CHCHD3: variants seen among roughly 807,000 people sequenced by gnomAD.
CHCHD3 encodes the protein MICOS complex subunit MIC19.
In CHCHD3, 20 loss-of-function variants were observed where a neutral mutation model predicts 38.2. That is an observed-to-expected ratio of 0.52 (90% CI 0.37 to 0.76). The LOEUF is 0.76. Among genes scored for constraint, CHCHD3 ranks in the 30% least tolerant of loss-of-function variants. CHCHD3 has a pLI of 0.00. For missense variants in CHCHD3, 245 were observed against 279.2 expected, an observed-to-expected ratio of 0.88 and a Z score of 0.87; for synonymous variants, 82 against 100.0, an observed-to-expected ratio of 0.82 and a Z score of 1.07.
chr7:132,986,754 T>C (rs1241910017), intron 3 of CHCHD3, among the ~76,000 whole-genome samples: 1 of 152,094 alleles, frequency 6.6e-6, no homozygotes, highest in African/African-American at 2.4e-5. Context: ...CTCTAGAAAA[T>C]AAATGGCATG....
chr7:132,986,971 G>T (rs906051559), intron 3 of CHCHD3, among the ~76,000 whole-genome samples: 3 of 152,090 alleles, frequency 2.0e-5, no homozygotes, highest in Admixed American at 2.0e-4. Flanking sequence ...TACACAATAA[G>T]AACCTATTTT....
chr7:132,885,326 T>C (rs770961628), intron 5 of CHCHD3, among the ~76,000 whole-genome samples: 9 of 151,766 alleles, frequency 5.9e-5, no homozygotes, highest in Non-Finnish European at 1.3e-4. Context: ...TTTTTAAGAG[T>C]GTACTAAAGT....
At chr7:133,016,700 G>A (rs1813040081) in intron 3 of CHCHD3, among the ~76,000 whole-genome samples, 1 of 152,216 alleles carries the variant, frequency 6.6e-6, no homozygotes, top group East Asian at 1.9e-4. Flanking sequence ...GCAAAGCTAT[G>A]GAGGTCAGGA....
At chr7:132,921,646 A>T (rs1810266508) in intron 4 of CHCHD3, among the ~76,000 whole-genome samples, 1 of 152,130 alleles carries the variant, frequency 6.6e-6, no homozygotes, top group African/African-American at 2.4e-5. Context: ...CAACAACAAC[A>T]ACAACAACAA....
At chr7:132,994,147 G>A (rs966635280) in intron 3 of CHCHD3, among the ~76,000 whole-genome samples, 6 of 152,006 alleles carry the variant, frequency 3.9e-5, no homozygotes, top group African/African-American at 7.2e-5. Flanking sequence ...GACACCTTGA[G>A]GTTTAACATA....
chr7:133,018,413 A>G lies in CHCHD3; in HGVS notation c.251+6133T>C, dbSNP rs1380889084. On this transcript the variant is annotated intron_variant, in intron 3 of 7. Coordinates refer to ENST00000262570, the MANE Select transcript of CHCHD3 (RefSeq NM_017812.4). ...ATTTGCCTGTGTCAGTTGTGACTGCATTGAGAATATACTGACTGCTAACTG... is the reference window on the plus strand; with the variant it reads ...ATTTGCCTGTGTCAGTTGTGACTGCGTTGAGAATATACTGACTGCTAACTG... 2.0e-5 allele frequency among the ~76,000 whole-genome samples: 3 copies of G among 152,236 alleles called. No homozygotes were observed. The East Asian group carries it at 5.8e-4, about 29-fold the overall frequency.
chr7:132,787,489 C>T (rs573093830), intron 7 of CHCHD3, among the ~76,000 whole-genome samples: 179 of 151,998 alleles, frequency 1.2e-3, no homozygotes, highest in Middle Eastern at 6.8e-3. Context: ...CCAAGAGAAA[C>T]AGGGAAGTCA....
chr7:132,922,438 C>T (rs924159304), intron 4 of CHCHD3, among the ~76,000 whole-genome samples: 2 of 152,172 alleles, frequency 1.3e-5, no homozygotes, highest in Non-Finnish European at 2.9e-5. Flanking sequence ...GTTTTAAAAA[C>T]TGCCAGTATC....
intron 5 of CHCHD3, 37 bp from the exon 6 acceptor site, chr7:132,838,506 C>A: frequency 7.0e-7 from 1 of 1,434,980 alleles, no homozygotes. Flanking sequence ...TTTCACTATC[C>A]AAGATGACAA....
chr7:132,959,004 C>A (rs976674371), intron 4 of CHCHD3, among the ~76,000 whole-genome samples: 1 of 152,128 alleles, frequency 6.6e-6, no homozygotes, highest in African/African-American at 2.4e-5. Flanking sequence ...GGTGGTCTTG[C>A]CAAATTAAAC....
At chr7:133,065,148 G>A (rs1405915360) in intron 2 of CHCHD3, among the ~76,000 whole-genome samples, 2 of 152,010 alleles carry the variant, frequency 1.3e-5, no homozygotes, top group Admixed American at 6.6e-5. Context: ...TTGAGATAAC[G>A]CAGCAAAAAA....
At position 132,885,717 on chromosome 7, in the gene CHCHD3, A is replaced by G. The variant is rs774561008; in HGVS notation, c.398T>C (p.Val133Ala). Residue 133 changes from valine to alanine, a missense_variant, in exon 5 of 8, where the codon GTG (valine) becomes GCG (alanine). Val to Ala is a moderately conservative substitution (Grantham distance 64). Coordinates refer to ENST00000262570, the MANE Select transcript of CHCHD3 (RefSeq NM_017812.4). Reference protein sequence around the residue: ...LARQLEEKDRVLKKQDAFYKE... With the variant: ...LARQLEEKDRALKKQDAFYKE... ...GTAGAATGCATCCTGCTTCTTTAGC[A>G]CTCGGTCTTTCTCTTCCAGCTGCCT... The G allele has an allele frequency of 6.2e-7, 1 of 1,608,994 alleles. No homozygotes were observed. Among genetic ancestry groups the G allele is most frequent in the African/African-American group, 1.3e-5 (1 of 74,716 alleles).
intron 6 of CHCHD3, chr7:132,815,523 T>C: frequency 2.2e-6 from 1 of 455,494 alleles, no homozygotes; most frequent in Non-Finnish European, 4.4e-6. Context: ...GTGCTCAGGT[T>C]GCCTGAAATG....
intron 4 of CHCHD3, among the ~76,000 whole-genome samples, chr7:132,965,217 T>A (rs750627919): frequency 6.6e-6 from 1 of 152,072 alleles, no homozygotes; most frequent in Non-Finnish European, 1.5e-5. Flanking sequence ...ATCAAATCCA[T>A]TACACGTTAA....
At chr7:133,059,050 C>T (rs1814422369) in intron 2 of CHCHD3, among the ~76,000 whole-genome samples, 1 of 152,144 alleles carries the variant, frequency 6.6e-6, no homozygotes, top group African/African-American at 2.4e-5. Flanking sequence ...TCCTGGGCTT[C>T]CAGACACCAA....
chr7:132,859,014 A>T (rs892248025), intron 5 of CHCHD3, among the ~76,000 whole-genome samples: 3 of 152,148 alleles, frequency 2.0e-5, no homozygotes, highest in African/African-American at 7.2e-5. Flanking sequence ...CAAGCAGCCG[A>T]GCTCCAGAGG....
At chr7:133,023,209 C>A (rs1261498678) in intron 3 of CHCHD3, among the ~76,000 whole-genome samples, 3 of 152,082 alleles carry the variant, frequency 2.0e-5, no homozygotes, top group Non-Finnish European at 2.9e-5. Flanking sequence ...ACCTTTCTGG[C>A]AGTACTAATT....
intron 6 of CHCHD3, among the ~76,000 whole-genome samples, chr7:132,821,747 C>A (rs199544941): frequency 1.0e-5 from 1 of 100,274 alleles, no homozygotes; most frequent in Non-Finnish European, 1.9e-5. Context: ...GCACTCAAAT[C>A]TTTTTTTTTT....
At chr7:132,824,234 C>A (rs1807449666) in intron 6 of CHCHD3, among the ~76,000 whole-genome samples, 1 of 147,600 alleles carries the variant, frequency 6.8e-6, no homozygotes, top group Admixed American at 6.7e-5. Context: ...ATGACCAACT[C>A]AAAAGGCATA....
Sources: gnomAD v4.1 joint callset for allele counts (sites outside exome capture counted in the v4.1 genomes callset) on GRCh38, gnomAD v4.1.1 for gene constraint, MANE v1.5 for transcripts, NCBI Gene and HGNC (gene_info 2026-07-23, HGNC 2026-07-21) for gene names.